ATP8A2: variants seen among roughly 807,000 people sequenced by gnomAD.
ATP8A2 encodes the protein phospholipid-transporting ATPase IB.
Under a neutral mutation model 165.6 loss-of-function variants are expected in ATP8A2, and 100 were observed. That is an observed-to-expected ratio of 0.60 (90% CI 0.51 to 0.71). The LOEUF (loss-of-function observed/expected upper bound fraction) is 0.71, where lower values mean the gene tolerates loss of function less well. Among genes scored for constraint, ATP8A2 ranks in the 30% least tolerant of loss-of-function variants. ATP8A2 has a pLI of 0.00. For missense variants in ATP8A2, 1,227 were observed against 1,479.5 expected (o/e 0.83, Z 2.80); for synonymous variants, 543 against 548.8 (o/e 0.99, Z 0.15).
intron 1 of ATP8A2, among the ~76,000 whole-genome samples, chr13:25,457,144 T>C (rs1593333879): frequency 6.6e-6 from 1 of 152,302 alleles, no homozygotes; most frequent in East Asian, 1.9e-4. Flanking sequence ...ACTTGGCCTT[T>C]CCTGGCTTAA....
intron 33 of ATP8A2, among the ~76,000 whole-genome samples, chr13:25,882,900 T>C (rs1178615256): frequency 8.9e-6 from 1 of 112,438 alleles, no homozygotes; most frequent in African/African-American, 5.6e-5. Context: ...CCTGAGATGA[T>C]GATGATGATG....
At chr13:25,895,460 T>A (rs1359755020) in intron 33 of ATP8A2, among the ~76,000 whole-genome samples, 1 of 152,268 alleles carries the variant, frequency 6.6e-6, no homozygotes, top group East Asian at 1.9e-4. Context: ...GATTTTTGCA[T>A]CAATGTTCAT....
chr13:25,680,995 C>A (rs1405663897), intron 24 of ATP8A2, among the ~76,000 whole-genome samples: 2 of 152,178 alleles, frequency 1.3e-5, no homozygotes, highest in East Asian at 3.8e-4. Flanking sequence ...CTCAATCAAA[C>A]AATACAACTC....
chr13:25,661,821 G>A (rs1454624150), intron 24 of ATP8A2, among the ~76,000 whole-genome samples: 1 of 152,146 alleles, frequency 6.6e-6, no homozygotes, highest in Non-Finnish European at 1.5e-5. Context: ...TCAAAAATAA[G>A]CATCGGATTC....
intron 33 of ATP8A2, among the ~76,000 whole-genome samples, chr13:25,917,928 A>G (rs1954317230): frequency 6.6e-6 from 1 of 152,242 alleles, no homozygotes; most frequent in African/African-American, 2.4e-5. Flanking sequence ...TAATTCTAAA[A>G]TTTCTTAAAT....
At position 26,024,195 on chromosome 13, in the gene ATP8A2, G is replaced by A. The variant is rs887616784; in HGVS notation, c.*4210G>A. The A allele has an allele frequency of 6.6e-6, 1 of 152,156 alleles. No homozygotes were observed. The highest frequency in any genetic ancestry group is 1.5e-5 in the Non-Finnish European group (1 of 68,070). 9.4% of individuals were successfully genotyped at this position (152,156 alleles called of 1,614,324 possible). On this transcript the variant is annotated 3_prime_UTR_variant, in exon 37 of 37. Coordinates refer to ENST00000381655, the MANE Select transcript of ATP8A2 (RefSeq NM_016529.6). ...TTTTTCCATCCTGAAGGCCAAGAAG[G>A]ACTATTAGAAGGGTTTTTGAGGGGT...
intron 25 of ATP8A2, among the ~76,000 whole-genome samples, chr13:25,728,774 A>G (rs942643448): frequency 6.6e-6 from 1 of 152,126 alleles, no homozygotes; most frequent in Non-Finnish European, 1.5e-5. Flanking sequence ...ACCCCTGCAG[A>G]CTTTTGATTA....
chr13:25,507,175 A>G (rs2037070805), intron 2 of ATP8A2, among the ~76,000 whole-genome samples: 1 of 151,318 alleles, frequency 6.6e-6, no homozygotes, highest in African/African-American at 2.4e-5. Flanking sequence ...TTGAAGAGTG[A>G]TATCTCAGTA....
intron 16 of ATP8A2, among the ~76,000 whole-genome samples, chr13:25,564,568 A>G (rs1015270885): frequency 5.3e-5 from 8 of 152,242 alleles, no homozygotes; most frequent in Admixed American, 3.9e-4. Flanking sequence ...TACCCAGCGC[A>G]TAAATGTAGA....
chr13:26,008,894 C>T (rs773370058), intron 35 of ATP8A2, among the ~76,000 whole-genome samples: 11 of 152,056 alleles, frequency 7.2e-5, no homozygotes, highest in Non-Finnish European at 1.3e-4. Flanking sequence ...AGGGTGACCA[C>T]TGAAATAAAT....
At chr13:25,472,213 G>C (rs2035863475) in intron 2 of ATP8A2, among the ~76,000 whole-genome samples, 1 of 152,070 alleles carries the variant, frequency 6.6e-6, no homozygotes, top group Non-Finnish European at 1.5e-5. Flanking sequence ...GGCCAACATG[G>C]CAAAACCCCA....
At chr13:25,979,771 C>T (rs1031731407) in intron 35 of ATP8A2, among the ~76,000 whole-genome samples, 3 of 152,106 alleles carry the variant, frequency 2.0e-5, no homozygotes, top group African/African-American at 7.2e-5. Context: ...AGTGGTGGCT[C>T]CTGGGAGGAA....
intron 36 of ATP8A2, among the ~76,000 whole-genome samples, chr13:26,018,555 T>C (rs1181643841): frequency 6.6e-6 from 1 of 152,204 alleles, no homozygotes; most frequent in Non-Finnish European, 1.5e-5. Context: ...TTTTATTGTG[T>C]TGTCTTTTGG....
intron 25 of ATP8A2, among the ~76,000 whole-genome samples, chr13:25,713,980 T>G (rs1467231707): frequency 6.6e-6 from 1 of 152,154 alleles, no homozygotes; most frequent in African/African-American, 2.4e-5. Context: ...CCTTTGATCT[T>G]AGGTACGTTG....
intron 33 of ATP8A2, among the ~76,000 whole-genome samples, chr13:25,891,436 C>A (rs957332483): frequency 6.6e-6 from 1 of 152,160 alleles, no homozygotes; most frequent in African/African-American, 2.4e-5. Flanking sequence ...AATTCTCCCA[C>A]CTCAGCCTCC....
chr13:25,434,782 T>C (rs1032259735), intron 1 of ATP8A2, among the ~76,000 whole-genome samples: 1 of 152,216 alleles, frequency 6.6e-6, no homozygotes, highest in African/African-American at 2.4e-5. Flanking sequence ...TTTTCATTTT[T>C]GCACCACATG....
At chr13:25,580,206 C>G (rs1227446334) in intron 22 of ATP8A2, among the ~76,000 whole-genome samples, 1 of 152,176 alleles carries the variant, frequency 6.6e-6, no homozygotes, top group African/African-American at 2.4e-5. Context: ...CAGCGACTTT[C>G]TGGGTTTGCT....
At chr13:25,937,978 G>T (rs1625539) in intron 33 of ATP8A2, among the ~76,000 whole-genome samples, 1 of 151,706 alleles carries the variant, frequency 6.6e-6, no homozygotes, top group African/African-American at 2.4e-5. Context: ...CTATAAACGT[G>T]GGAAGTTCTC....
intron 35 of ATP8A2, among the ~76,000 whole-genome samples, chr13:25,986,144 G>T (rs1451812920): frequency 2.6e-5 from 4 of 152,090 alleles, no homozygotes; most frequent in Non-Finnish European, 5.9e-5. Context: ...TTTGATAGAC[G>T]TATAGATTGG....
Sources: gnomAD v4.1 joint callset for allele counts (sites outside exome capture counted in the v4.1 genomes callset) on GRCh38, gnomAD v4.1.1 for gene constraint, MANE v1.5 for transcripts, NCBI Gene and HGNC (gene_info 2026-07-23, HGNC 2026-07-21) for gene names.